VPS13C: variants seen among roughly 807,000 people sequenced by gnomAD.
The protein encoded by VPS13C is intermembrane lipid transfer protein VPS13C.
Under a neutral mutation model 456.8 loss-of-function variants are expected in VPS13C, and 358 were observed. That is an observed-to-expected ratio of 0.78 (90% CI 0.72 to 0.86). The LOEUF is 0.86. Among genes scored for constraint, VPS13C ranks in the 40% least tolerant of loss-of-function variants. The pLI is 0.00. For missense variants in VPS13C, 4,818 were observed against 4,385.4 expected, an observed-to-expected ratio of 1.10 and a Z score of -2.79; for synonymous variants, 1,578 against 1,486.7, an observed-to-expected ratio of 1.06 and a Z score of -1.41.
At chr15:61,896,616 C>T (rs572086146) in intron 66 of VPS13C, among the ~76,000 whole-genome samples, 152 of 152,244 alleles carry the variant, frequency 1.0e-3, no homozygotes, top group Non-Finnish European at 1.3e-3. Flanking sequence ...CACGGAGTCT[C>T]GCTGATTGCT....
At chr15:61,856,172 T>A (rs1596258491) in intron 83 of VPS13C, 114 bp downstream of exon 83, 1 of 1,254,876 alleles carries the variant, frequency 8.0e-7, no homozygotes, top group South Asian at 1.6e-5. Context: ...TCTTCACATC[T>A]CAGCATATAG....
At chr15:61,977,873 A>AT (rs1328055953) in intron 23 of VPS13C, among the ~76,000 whole-genome samples, 5 of 152,194 alleles carry the variant, frequency 3.3e-5, no homozygotes, top group Middle Eastern at 3.4e-3. Flanking sequence ...GGCTCTTAAT[A>AT]TATGAAAAGT....
At chr15:61,934,559 C>T (rs2044161887) in intron 48 of VPS13C, among the ~76,000 whole-genome samples, 2 of 152,020 alleles carry the variant, frequency 1.3e-5, no homozygotes, top group Admixed American at 1.3e-4. Context: ...CACAGGCAGA[C>T]TATGTTAAAA....
At chr15:61,976,993 A>G in intron 24 of VPS13C, 89 bp downstream of exon 24, 1 of 913,614 alleles carries the variant, frequency 1.1e-6, no homozygotes, top group Non-Finnish European at 1.7e-6. Context: ...CTCCCACAGA[A>G]ATCTATCTTT....
At chr15:61,980,752 T>C (rs527716826) in intron 22 of VPS13C, among the ~76,000 whole-genome samples, 1 of 152,306 alleles carries the variant, frequency 6.6e-6, no homozygotes, top group Non-Finnish European at 1.5e-5. Flanking sequence ...ATGGACTAAA[T>C]GGCTGGTATC....
intron 19 of VPS13C, 36 bp downstream of exon 19, chr15:61,984,821 A>G: frequency 6.3e-7 from 1 of 1,597,798 alleles, no homozygotes; most frequent in Non-Finnish European, 8.5e-7. Context: ...AACTATAACT[A>G]AAAGTAAAAA....
chr15:61,920,335 A>T lies in VPS13C; in HGVS notation c.7213-4T>A. ...AAGCAGTGCCCTCTGAAAAACCCTG[A>T]AAAGGAACATATCATCACAGTAAAA... On this transcript the variant is annotated splice_polypyrimidine_tract_variant and splice_region_variant and intron_variant, in intron 56 of 84. Coordinates refer to ENST00000644861, the MANE Select transcript of VPS13C (RefSeq NM_020821.3). 1.3e-6 allele frequency: 2 copies of T among 1,589,798 alleles called. No homozygotes were observed. The highest frequency in any genetic ancestry group is 1.1e-5 in the South Asian group (1 of 88,650).
At chr15:61,904,222 A>C (rs1170254019) in intron 66 of VPS13C, among the ~76,000 whole-genome samples, 1 of 152,106 alleles carries the variant, frequency 6.6e-6, no homozygotes, top group East Asian at 1.9e-4. Context: ...TTTGCAAACT[A>C]TCTGTCTAAT....
rs754001807 is a variant in VPS13C at position 61,978,716 on chromosome 15, T to C, written c.2200A>G (p.Thr734Ala). The change falls in exon 23 of 85, where the codon ACT becomes GCT. Residue 734 changes from threonine to alanine, a missense_variant. Thr to Ala is a moderately conservative substitution (Grantham distance 58). Transcript: ENST00000644861. The stretch of plus-strand genomic sequence containing the variant: ...ATTATTTCTTCCAGAGATGAATTAG[T>C]AGTCTTCTGTAAACCTTGATCTTTA... Reference protein sequence around the residue: ...NSKDQGLQKTTNSSLEEIMDK... With the variant: ...NSKDQGLQKTANSSLEEIMDK... 4 of 1,610,456 alleles carry C rather than the reference T, an allele frequency of 2.5e-6. No individual in the cohort carries two copies. Among genetic ancestry groups the C allele is most frequent in the African/African-American group, 1.3e-5 (1 of 74,856 alleles).
intron 47 of VPS13C, among the ~76,000 whole-genome samples, chr15:61,938,795 C>T (rs1269811668): frequency 6.6e-6 from 1 of 152,084 alleles, no homozygotes; most frequent in African/African-American, 2.4e-5. Context: ...AGCAGAAGCC[C>T]CGTGTGTACT....
chr15:61,881,037 G>C, intron 71 of VPS13C, 83 bp from the exon 72 acceptor site: 1 of 1,132,264 alleles, frequency 8.8e-7, no homozygotes. Flanking sequence ...TCAGTGAAAA[G>C]CCACAGTTAT....
rs2140187274 is a variant in VPS13C, at chr15:61,922,577, T to C, written c.6795A>G (p.Lys2265=). Residue 2265 remains lysine, a synonymous_variant, in exon 54 of 85, where the codon AAA becomes AAG. Coordinates refer to ENST00000644861, the MANE Select transcript of VPS13C (RefSeq NM_020821.3). ...DTATEITESF[K]GIEHSLIEEN... Reference sequence around the variant, plus strand: ...CCTCTATCAGTGAATGTTCAATGCCTTTGAAGCTTTCCGTTATTTCTGTTG... The same window carrying C: ...CCTCTATCAGTGAATGTTCAATGCCCTTGAAGCTTTCCGTTATTTCTGTTG... The C allele has an allele frequency of 6.2e-7, 1 of 1,614,132 alleles. No individual in the cohort carries two copies. Among genetic ancestry groups the C allele is most frequent in the Non-Finnish European group, 8.5e-7 (1 of 1,179,984 alleles).
intron 51 of VPS13C, among the ~76,000 whole-genome samples, chr15:61,928,789 G>A (rs2043954813): frequency 6.6e-6 from 1 of 151,648 alleles, no homozygotes; most frequent in East Asian, 1.9e-4. Flanking sequence ...TGAGGTGGGA[G>A]AACTGCTTGA....
At chr15:62,038,495 G>T (rs2048136885) in intron 3 of VPS13C, among the ~76,000 whole-genome samples, 1 of 152,134 alleles carries the variant, frequency 6.6e-6, no homozygotes, top group South Asian at 2.1e-4. Context: ...GCAAAGGTGG[G>T]AGGATCCCTT....
chr15:61,860,866 T>C (rs1320319029), intron 82 of VPS13C, among the ~76,000 whole-genome samples: 2 of 152,028 alleles, frequency 1.3e-5, no homozygotes, highest in African/African-American at 4.8e-5. Flanking sequence ...GGAATAGCTA[T>C]TGATAATTAC....
chr15:61,996,998 C>CATATATATATATATATATATAT (rs35381809), intron 16 of VPS13C, among the ~76,000 whole-genome samples: 8 of 145,568 alleles, frequency 5.5e-5, no homozygotes, highest in African/African-American at 2.1e-4. Flanking sequence ...TACATACATA[C>CATATATATATATATATATATAT]ATATATATAT....
rs200799568 is a variant in VPS13C, at chr15:61,967,411, G to C, written c.2948C>G (p.Ser983Cys). The change falls in exon 29 of 85, where the codon TCT becomes TGT. Residue 983 changes from serine to cysteine, a missense_variant. Transcript: ENST00000644861. ...CAAAAGATCTAATCCAGGTTTGTCA[G>C]AAGAGCTAATCAAGTGAAGGGGCTT... Reference protein sequence around the residue: ...KRKPLHLISSSDKPGLDLLKV... With the variant: ...KRKPLHLISSCDKPGLDLLKV... 4.4e-6 allele frequency: 7 copies of C among 1,605,710 alleles called. No individual in the cohort carries two copies. The highest frequency in any genetic ancestry group is 4.3e-6 in the Non-Finnish European group (5 of 1,176,258).
chr15:61,964,382 A>G (rs2045313898), intron 31 of VPS13C, among the ~76,000 whole-genome samples: 1 of 152,044 alleles, frequency 6.6e-6, no homozygotes, highest in African/African-American at 2.4e-5. Flanking sequence ...GGAAAGAAAG[A>G]CTAACTCTTT....
At chr15:61,949,397 T>C (rs2044710671) in intron 42 of VPS13C, 46 bp downstream of exon 42, 2 of 1,584,262 alleles carry the variant, frequency 1.3e-6, no homozygotes, top group Non-Finnish European at 1.7e-6. Context: ...GTTATATGAT[T>C]ATTAAAGTTC....
Sources: allele counts gnomAD v4.1 joint callset (sites outside exome capture counted in the v4.1 genomes callset), GRCh38; gene constraint gnomAD v4.1.1; transcripts MANE v1.5; gene names NCBI Gene and HGNC (gene_info 2026-07-23, HGNC 2026-07-21).